The following KDELR3 variants were observed in gnomAD, a reference collection of about 807,000 sequenced individuals.
The protein encoded by KDELR3 is KDEL endoplasmic reticulum protein retention receptor 3, also known as ER lumen protein-retaining receptor 3.
In KDELR3, 26 loss-of-function variants were observed where a neutral mutation model predicts 22.7. The observed-to-expected ratio is 1.15, with a 90% CI of 0.84 to 1.59. The LOEUF is 1.59. KDELR3 is among the 40% of genes most tolerant of loss of function. The pLI, the probability that KDELR3 is intolerant of heterozygous loss-of-function variation, is 0.00. For synonymous variants in KDELR3, 120 were observed against 98.2 expected (o/e 1.22, Z -1.31); for missense variants, 289 against 251.1 (o/e 1.15, Z -1.02).
intron 1 of KDELR3, among the ~76,000 whole-genome samples, chr22:38,470,841 T>C (rs1252909712): frequency 2.0e-5 from 3 of 152,136 alleles, no homozygotes; most frequent in East Asian, 1.9e-4. Flanking sequence ...GTGAAAACTA[T>C]TGTGCTCAAG....
chr22:38,483,190 T>A lies in KDELR3; in HGVS notation c.*654T>A, dbSNP rs2089618031. On this transcript the variant is annotated 3_prime_UTR_variant, in exon 5 of 5. Coordinates refer to ENST00000216014, the MANE Select transcript of KDELR3 (RefSeq NM_006855.4). ...CTTAATACCAATAACCTAATGGTAC[T>A]TAGGCGAGTACCATTTGCACAATCA... is the stretch of plus-strand genomic sequence containing the variant. 1 of 152,316 alleles carries A rather than the reference T, an allele frequency of 6.6e-6. No homozygotes were observed. The highest frequency in any genetic ancestry group is 1.5e-5 in the Non-Finnish European group (1 of 68,144). The allele number at this position is 152,316 out of a possible 1,614,324, so 9.4% of individuals were successfully genotyped here.
rs1198620607 is a variant in KDELR3 at position 38,482,781 on chromosome 22, CAAG to C, written c.*248_*250del. 2.5e-5 allele frequency: 13 copies of C among 519,774 alleles called. No individual in the cohort carries two copies. In the African/African-American group the frequency reaches 2.5e-4, roughly 10 times the overall value. The allele number at this position is 519,774 out of a possible 1,614,324, so 32.2% of individuals were successfully genotyped here. A position where few individuals can be genotyped will look rare whatever the true frequency, so the allele number is the denominator to read the frequency against. On this transcript the variant is annotated 3_prime_UTR_variant, in exon 5 of 5. Transcript: ENST00000216014. ...GCACAAAGATGGTGCCTCACTGCAA[CAAG>C]AAACCTTAAGGTGTCTTACCGACGA...
Position 38,481,433 on chromosome 22 carries a change from C to T in KDELR3, c.573C>T (p.Tyr191=), listed in dbSNP as rs767383010. The T allele has an allele frequency of 5.0e-6, 8 of 1,614,162 alleles. No homozygotes were observed. The East Asian group carries it at 1.8e-4, about 36-fold the overall frequency. The change falls in exon 4 of 5, where the codon TAC becomes TAT. Residue 191 remains tyrosine (Y), a synonymous_variant. Coordinates refer to ENST00000216014, the MANE Select transcript of KDELR3 (RefSeq NM_006855.4). ...VVSGVVQTIF[Y]CDFFYLYVTK... ...CTGGAGTAGTACAAACCATCTTCTA[C>T]TGTGACTTCTTCTACTTGTATGTGA...
At chr22:38,473,950 G>T (rs1032471355) in intron 1 of KDELR3, among the ~76,000 whole-genome samples, 3 of 151,428 alleles carry the variant, frequency 2.0e-5, no homozygotes, top group Non-Finnish European at 4.4e-5. Flanking sequence ...CTCCAGCCTG[G>T]GCAACAGAGT....
chr22:38,479,474 C>A, intron 2 of KDELR3, 119 bp from the exon 3 acceptor site: 1 of 925,216 alleles, frequency 1.1e-6, no homozygotes, highest in Non-Finnish European at 1.7e-6. Flanking sequence ...ACACATTTAA[C>A]CTCTTCATGT....
At chr22:38,482,348 A>G in intron 4 of KDELR3, 148 bp from the exon 5 acceptor site, 1 of 674,192 alleles carries the variant, frequency 1.5e-6, no homozygotes, top group Non-Finnish European at 2.6e-6. Flanking sequence ...GTCCATAGTC[A>G]ACCGGAGATG....
chr22:38,468,270 C>G lies in KDELR3; in HGVS notation c.37C>G (p.Leu13Val). ...CCGAATCCTCGGCGACCTGAGCCAC[C>G]TCCTGGCCATGATCTTGCTGCTGGG... ...VFRILGDLSH[L>V]LAMILLLGKI... Residue 13 changes from leucine (L) to valine (V), a missense_variant, in exon 1 of 5, where the codon CTC becomes GTC. Physicochemically the swap from Leu to Val is conservative, Grantham distance 32. Transcript: ENST00000216014. The G allele has an allele frequency of 1.9e-6, 3 of 1,613,894 alleles. No individual in the cohort carries two copies. Among genetic ancestry groups the G allele is most frequent in the Non-Finnish European group, 2.5e-6 (3 of 1,179,962 alleles).
At chr22:38,472,295 G>A (rs1010265679) in intron 1 of KDELR3, among the ~76,000 whole-genome samples, 2 of 151,994 alleles carry the variant, frequency 1.3e-5, no homozygotes, top group Non-Finnish European at 2.9e-5. Context: ...TGGCCAACAC[G>A]GTGAAAACCC....
At chr22:38,478,084 A>G (rs1470932116) in intron 2 of KDELR3, among the ~76,000 whole-genome samples, 2 of 152,030 alleles carry the variant, frequency 1.3e-5, no homozygotes, top group East Asian at 3.9e-4. Context: ...ACGGGCTAAA[A>G]TGAGTATGTT....
rs950647197 is a variant in KDELR3 at position 38,479,584 on chromosome 22, C to T, written c.193-9C>T. 9 of 1,609,508 alleles carry T rather than the reference C, an allele frequency of 5.6e-6. No homozygotes were observed. Among genetic ancestry groups the T allele is most frequent in the Non-Finnish European group, 6.0e-6 (7 of 1,176,000 alleles). ...TAGATTCGATTCCCATGTCTCTCTC[C>T]CCTTTTAGGTGGTTTTTCTCCTCTG... On this transcript the variant is annotated splice_polypyrimidine_tract_variant and intron_variant, in intron 2 of 4. Coordinates refer to ENST00000216014, the MANE Select transcript of KDELR3 (RefSeq NM_006855.4).
chr22:38,482,173 G>T (rs1343887620), intron 4 of KDELR3, among the ~76,000 whole-genome samples: 1 of 152,170 alleles, frequency 6.6e-6, no homozygotes, highest in South Asian at 2.1e-4. Context: ...AGTTGCAGTT[G>T]ATCAGGAAAA....
intron 2 of KDELR3, among the ~76,000 whole-genome samples, chr22:38,475,332 G>C (rs5757100): frequency 6.6e-6 from 1 of 151,996 alleles, no homozygotes; most frequent in Non-Finnish European, 1.5e-5. Context: ...AAGAAATTTA[G>C]CTGGGCGTAG....
In KDELR3 at chr22:38,481,109, A is replaced by C. The variant is rs190091888; in HGVS notation, c.352-103A>C. 2.9e-6 allele frequency: 3 copies of C among 1,042,794 alleles called. No homozygotes were observed. In the East Asian group the frequency reaches 7.2e-5, roughly 25 times the overall value. 64.6% of individuals were successfully genotyped at this position (1,042,794 alleles called of 1,614,324 possible). ...TTTATTGAGAACTTTTTCCCTCCTT[A>C]CTGTACCTTCTCCAGCAAGCTATTG... On this transcript the variant is annotated intron_variant, in intron 3 of 4. Coordinates refer to ENST00000216014, the MANE Select transcript of KDELR3 (RefSeq NM_006855.4).
chr22:38,468,243 T>C lies in KDELR3; in HGVS notation c.10T>C (p.Phe4Leu). Residue 4 changes from phenylalanine to leucine, a missense_variant, in exon 1 of 5, where the codon TTC (phenylalanine) becomes CTC (leucine). Coordinates refer to ENST00000216014, the MANE Select transcript of KDELR3 (RefSeq NM_006855.4). Reference sequence around the variant, plus strand: ...ACTGACTGGCTGGACCATGAACGTGTTCCGAATCCTCGGCGACCTGAGCCA... The same window carrying C: ...ACTGACTGGCTGGACCATGAACGTGCTCCGAATCCTCGGCGACCTGAGCCA... Reference protein sequence around the residue: MNVFRILGDLSHLL... With the variant: MNVLRILGDLSHLL... The C allele has an allele frequency of 6.2e-7, 1 of 1,613,732 alleles. No homozygotes were observed. The highest frequency in any genetic ancestry group is 8.5e-7 in the Non-Finnish European group (1 of 1,179,900).
At chr22:38,481,893 CCA>C (rs1472378881) in intron 4 of KDELR3, among the ~76,000 whole-genome samples, 2 of 152,154 alleles carry the variant, frequency 1.3e-5, no homozygotes, top group African/African-American at 2.4e-5. Flanking sequence ...TTGTCGTGGG[CCA>C]CACATAAAAT....
rs2089498483 is a variant in KDELR3 at position 38,468,173 on chromosome 22, G to T, written c.-61G>T. On this transcript the variant is annotated 5_prime_UTR_variant, in exon 1 of 5. Transcript: ENST00000216014. ...GGGCCGGAGACGTGGCAGCCGCCCT[G>T]CCCGCCAGAAAGTTTCCTAGAAGTT... The T allele has an allele frequency of 6.6e-7, 1 of 1,507,122 alleles. No individual in the cohort carries two copies. The highest frequency in any genetic ancestry group is 9.2e-7 in the Non-Finnish European group (1 of 1,089,224). The allele number at this position is 1,507,122 out of a possible 1,614,324, so 93.4% of individuals were successfully genotyped here.
chr22:38,474,085 G>C (rs1010556815), intron 1 of KDELR3, among the ~76,000 whole-genome samples: 151 of 152,176 alleles, frequency 9.9e-4, no homozygotes, highest in African/African-American at 3.5e-3. Context: ...TGGTCTCCCT[G>C]GTGAATCAAC....
intron 1 of KDELR3, among the ~76,000 whole-genome samples, chr22:38,469,374 G>A (rs539802461): frequency 6.6e-6 from 1 of 152,188 alleles, no homozygotes; most frequent in African/African-American, 2.4e-5. Flanking sequence ...TTCATGGTTT[G>A]GGAGCCGGGA....
At chr22:38,479,439 C>T (rs145855998) in intron 2 of KDELR3, among the ~76,000 whole-genome samples, 154 bp from the exon 3 acceptor site, 45 of 152,272 alleles carry the variant, frequency 3.0e-4, no homozygotes, top group African/African-American at 8.9e-4. Flanking sequence ...AAATTCTAGG[C>T]AACTGGACCC....
Sources: gnomAD v4.1 joint callset for allele counts (sites outside exome capture counted in the v4.1 genomes callset) on GRCh38, gnomAD v4.1.1 for gene constraint, MANE v1.5 for transcripts, NCBI Gene and HGNC (gene_info 2026-07-23, HGNC 2026-07-21) for gene names.